FRMPD4: variants seen among roughly 807,000 people sequenced by gnomAD.
FRMPD4 encodes FERM and PDZ domain containing 4, also known as FERM and PDZ domain-containing protein 4.
FRMPD4 carries 22 observed loss-of-function variants against 94.1 expected under a neutral mutation model. The ratio of observed to expected loss-of-function variants is 0.23; its 90% confidence interval spans 0.17 to 0.33. The LOEUF is 0.33. FRMPD4 is among the 10% of genes least tolerant of loss of function. The pLI, the probability that FRMPD4 is intolerant of heterozygous loss-of-function variation, is 1.00. For missense variants in FRMPD4, 1,111 were observed against 1,339.9 expected (o/e 0.83, Z 2.67); for synonymous variants, 631 against 548.6 (o/e 1.15, Z -2.10).
chrX:12,211,033 G>T (rs1281841918), intron 1 of FRMPD4, among the ~76,000 whole-genome samples: 1 of 112,166 alleles, frequency 8.9e-6, no homozygotes, highest in Non-Finnish European at 1.9e-5. Flanking sequence ...AATTCAGTGG[G>T]TGATTATTCA....
intron 4 of FRMPD4, among the ~76,000 whole-genome samples, chrX:12,640,169 C>T (rs1053010742): frequency 9.2e-6 from 1 of 108,331 alleles, no homozygotes; most frequent in Non-Finnish European, 1.9e-5. Context: ...CATTGTGGCT[C>T]ACGCCTGTAA....
intron 3 of FRMPD4, among the ~76,000 whole-genome samples, chrX:12,019,167 AT>A (rs201291254): frequency 0.051 from 5,113 of 100,335 alleles, 320 homozygotes; most frequent in African/African-American, 0.17. Context: ...TTGTTTAGAG[AT>A]TTTTTTTTTT....
In FRMPD4 at chrX:12,716,396, C is replaced by A. The variant is rs769660304; in HGVS notation, c.1937C>A (p.Pro646Gln). The A allele has an allele frequency of 4.1e-6, 5 of 1,210,235 alleles. No individual in the cohort carries two copies. Among genetic ancestry groups the A allele is most frequent in the Non-Finnish European group, 5.6e-6 (5 of 894,202 alleles). The stretch of plus-strand genomic sequence containing the variant: ...ACTCTGAAGAAAGCACAGGAATCTC[C>A]GAGAGGAGCTAAAGTGTCCTTTATT... Reference protein sequence around the residue: ...PETLKKAQESPRGAKVSFIFG... With the variant: ...PETLKKAQESQRGAKVSFIFG... Residue 646 changes from proline (P) to glutamine (Q), a missense_variant, in exon 15 of 17, where the codon CCG (proline) becomes CAG (glutamine). Coordinates refer to ENST00000675598, the MANE Select transcript of FRMPD4 (RefSeq NM_001368397.1).
At chrX:12,576,783 A>G in intron 2 of FRMPD4, among the ~76,000 whole-genome samples, 1 of 112,315 alleles carries the variant, frequency 8.9e-6, no homozygotes, top group East Asian at 2.8e-4. Context: ...CACATTGTTT[A>G]TAAACAAAAA....
intron 3 of FRMPD4, among the ~76,000 whole-genome samples, chrX:12,100,066 T>C (rs535329087): frequency 1.4e-4 from 16 of 112,517 alleles, no homozygotes; most frequent in African/African-American, 4.5e-4. Context: ...AGTTGAGTAG[T>C]TGTGACAAGA....
intron 1 of FRMPD4, among the ~76,000 whole-genome samples, chrX:12,345,117 G>GATGA (rs1165984148): frequency 0.073 from 5,094 of 69,420 alleles, 298 homozygotes; most frequent in African/African-American, 0.3. Flanking sequence ...TGGATGAACA[G>GATGA]ACAGACAAAT....
At chrX:11,969,180 C>A (rs142375076) in intron 3 of FRMPD4, among the ~76,000 whole-genome samples, 1,240 of 112,600 alleles carry the variant, frequency 0.011, 9 homozygotes, top group Non-Finnish European at 0.018. Context: ...AATACTGAGG[C>A]TATTTCTCAA....
rs72612887 is a variant in FRMPD4, at chrX:12,477,586, A to G, written c.42-21094A>G. Among the ~76,000 whole-genome samples, 629 of 112,631 alleles carry G rather than the reference A, an allele frequency of 5.6e-3. 9 individuals are homozygous for G. Among genetic ancestry groups the G allele is most frequent in the Admixed American group, 0.04 (431 of 10,677 alleles). On this transcript the variant is annotated intron_variant, in intron 1 of 16. Coordinates refer to ENST00000675598, the MANE Select transcript of FRMPD4 (RefSeq NM_001368397.1). ...GTTGTTTCCAGCTGTCTCATTGAAT[A>G]CAAAGGCAAGTTATGAATATTGAAA... is the stretch of plus-strand genomic sequence containing the variant.
At chrX:12,599,974 C>T (rs1211469953) in intron 2 of FRMPD4, among the ~76,000 whole-genome samples, 1 of 111,209 alleles carries the variant, frequency 9.0e-6, no homozygotes, top group Non-Finnish European at 1.9e-5. Context: ...AAATATTTTG[C>T]TATCACTGCT....
At chrX:12,069,022 A>T (rs1032808002) in intron 3 of FRMPD4, among the ~76,000 whole-genome samples, 6 of 112,244 alleles carry the variant, frequency 5.3e-5, no homozygotes, top group Non-Finnish European at 9.4e-5. Context: ...AATCAAGAGC[A>T]TGCAGAATGA....
chrX:12,350,378 G>A (rs1179057320), intron 1 of FRMPD4, among the ~76,000 whole-genome samples: 1 of 110,629 alleles, frequency 9.0e-6, no homozygotes, highest in Non-Finnish European at 1.9e-5. Context: ...GTTTGTATTG[G>A]TCTTAAGTGC....
At chrX:12,071,784 T>A (rs1353185179) in intron 3 of FRMPD4, among the ~76,000 whole-genome samples, 3 of 111,049 alleles carry the variant, frequency 2.7e-5, no homozygotes, top group African/African-American at 9.8e-5. Flanking sequence ...AAACTTTCCC[T>A]GTGCTCCACT....
At chrX:11,824,876 G>A (rs66879493) in intron 1 of FRMPD4, among the ~76,000 whole-genome samples, 14,156 of 108,904 alleles carry the variant, frequency 0.13, 1,191 homozygotes, top group African/African-American at 0.29. Context: ...TTAAAGGGAT[G>A]GGGTAAACCA....
rs1169994730 is a variant in FRMPD4, at chrX:12,721,900, A to G, written c.*42A>G. 4.6e-6 allele frequency: 3 copies of G among 649,942 alleles called. No homozygotes were observed. In the Admixed American group the frequency reaches 2.7e-4, roughly 58 times the overall value. The allele number at this position is 649,942 out of a possible 1,213,427, so 53.6% of individuals were successfully genotyped here. A position where few individuals can be genotyped will look rare whatever the true frequency, so the allele number is the denominator to read the frequency against. On this transcript the variant is annotated 3_prime_UTR_variant, in exon 17 of 17. Coordinates refer to ENST00000675598, the MANE Select transcript of FRMPD4 (RefSeq NM_001368397.1). The stretch of plus-strand genomic sequence containing the variant: ...ATAATCTACCTTTGCAAAGCCATAC[A>G]TGAACTTTTATTTACTTTGTGTGTA...
intron 3 of FRMPD4, among the ~76,000 whole-genome samples, chrX:12,133,027 T>TA (rs1311850480): frequency 9.2e-6 from 1 of 109,205 alleles, no homozygotes. Context: ...ACAGTTTGAT[T>TA]AAAAAAAATA....
At chrX:12,216,672 A>T (rs924040537) in intron 1 of FRMPD4, among the ~76,000 whole-genome samples, 5 of 111,648 alleles carry the variant, frequency 4.5e-5, no homozygotes, top group African/African-American at 1.6e-4. Flanking sequence ...GTCCTGGGCT[A>T]AAAAAAATTT....
chrX:12,511,777 G>A (rs1256604095), intron 2 of FRMPD4, among the ~76,000 whole-genome samples: 1 of 111,834 alleles, frequency 8.9e-6, no homozygotes, highest in African/African-American at 3.3e-5. Context: ...AAATGGGCAT[G>A]CAAATTCAAG....
chrX:11,978,042 G>T, intron 3 of FRMPD4, among the ~76,000 whole-genome samples: 1 of 109,665 alleles, frequency 9.1e-6, no homozygotes, highest in Non-Finnish European at 1.9e-5. Context: ...AAAAGTTCCG[G>T]CCGGGCTCGG....
intron 3 of FRMPD4, among the ~76,000 whole-genome samples, chrX:12,088,656 C>A (rs1362794889): frequency 8.9e-6 from 1 of 111,843 alleles, no homozygotes; most frequent in Non-Finnish European, 1.9e-5. Context: ...CTGAGTAGAA[C>A]AGCTGTTCTT....
Sources: gnomAD v4.1 joint callset for allele counts (sites outside exome capture counted in the v4.1 genomes callset) on GRCh38, gnomAD v4.1.1 for gene constraint, MANE v1.5 for transcripts, NCBI Gene and HGNC (gene_info 2026-07-23, HGNC 2026-07-21) for gene names.